Variants in SCYL3 observed in about 807,000 individuals in gnomAD.
SCYL3 encodes the protein protein-associating with the carboxyl-terminal domain of ezrin.
In SCYL3, 35 loss-of-function variants were observed where a neutral mutation model predicts 73.8. The observed-to-expected ratio is 0.47, with a 90% confidence interval of 0.36 to 0.63. The LOEUF (loss-of-function observed/expected upper bound fraction) is 0.63, where lower values mean the gene tolerates loss of function less well. Among genes scored for constraint, SCYL3 ranks in the 20% least tolerant of loss-of-function variants. SCYL3 has a pLI of 0.00. For synonymous variants in SCYL3, 277 were observed against 295.2 expected, an observed-to-expected ratio of 0.94 and a Z score of 0.63; for missense variants, 712 against 798.9, an observed-to-expected ratio of 0.89 and a Z score of 1.31.
chr1:169,884,549 C>T (rs1292291810), intron 2 of SCYL3, among the ~76,000 whole-genome samples: 4 of 152,186 alleles, frequency 2.6e-5, no homozygotes, highest in African/African-American at 7.2e-5. Flanking sequence ...CCACCTACCT[C>T]GGCCTCCCAA....
chr1:169,893,736 C>G (rs1193414080), intron 1 of SCYL3, 52 bp downstream of exon 1: 2 of 151,872 alleles, frequency 1.3e-5, no homozygotes, highest in African/African-American at 4.8e-5. Flanking sequence ...GCCCCTTCCC[C>G]CACGGCGCAG....
At chr1:169,874,404 A>G (rs752515261) in intron 4 of SCYL3, among the ~76,000 whole-genome samples, 23 of 152,340 alleles carry the variant, frequency 1.5e-4, no homozygotes, top group Non-Finnish European at 2.9e-5. Context: ...CCCTGGAAGC[A>G]CTGGGGTGAC....
intron 5 of SCYL3, among the ~76,000 whole-genome samples, chr1:169,870,741 C>G (rs1660333162): frequency 6.6e-6 from 1 of 151,562 alleles, no homozygotes; most frequent in Non-Finnish European, 1.5e-5. Flanking sequence ...TGCCCAAAGA[C>G]ATGTTCTTTT....
In SCYL3 at chr1:169,852,805, G is replaced by A. The variant is rs1167049954; in HGVS notation, c.*908C>T. The A allele has an allele frequency of 6.2e-7, 1 of 1,613,930 alleles. No individual in the cohort carries two copies. The highest frequency in any genetic ancestry group is 8.5e-7 in the Non-Finnish European group (1 of 1,179,910). On this transcript the variant is annotated 3_prime_UTR_variant, in exon 13 of 13. Transcript: ENST00000367771. ...TTTTTTCCAGCCTTATGCAAAAAGAGCTCGTCAGGAGTTCCCCTGGGAAGA... is the reference window on the plus strand; with the variant it reads ...TTTTTTCCAGCCTTATGCAAAAAGAACTCGTCAGGAGTTCCCCTGGGAAGA...
At chr1:169,867,801 C>T (rs775825863) in intron 7 of SCYL3, among the ~76,000 whole-genome samples, 2 of 152,098 alleles carry the variant, frequency 1.3e-5, no homozygotes, top group Non-Finnish European at 2.9e-5. Flanking sequence ...TTGGCAGGTA[C>T]GGTTTGTGTG....
chr1:169,874,896 C>T (rs2102181325), intron 4 of SCYL3, among the ~76,000 whole-genome samples: 1 of 152,284 alleles, frequency 6.6e-6, no homozygotes, highest in Middle Eastern at 3.4e-3. Flanking sequence ...CACTGCACTC[C>T]AGCCTGGGTG....
chr1:169,876,160 A>G (rs1055008595), intron 3 of SCYL3, 69 bp from the exon 4 acceptor site: 34 of 908,226 alleles, frequency 3.7e-5, no homozygotes, highest in African/African-American at 1.7e-5. Context: ...ACTTCAAAAG[A>G]TGTTTTTCTC....
Position 169,859,021 on chromosome 1 carries a change from G to T in SCYL3, c.1312+20C>A. 1 of 1,607,190 alleles carries T rather than the reference G, an allele frequency of 6.2e-7. No homozygotes were observed. On this transcript the variant is annotated intron_variant, in intron 11 of 12. Coordinates refer to ENST00000367771, the MANE Select transcript of SCYL3 (RefSeq NM_020423.7). ...TAAAAAAATGACACACAAAAAGTTAGACCTTTTAATAATTCTTACCTTCTA... is the reference window on the plus strand; with the variant it reads ...TAAAAAAATGACACACAAAAAGTTATACCTTTTAATAATTCTTACCTTCTA...
intron 11 of SCYL3, 96 bp downstream of exon 11, chr1:169,858,945 T>C (rs1331970786): frequency 9.5e-7 from 1 of 1,054,312 alleles, no homozygotes; most frequent in East Asian, 2.6e-5. Flanking sequence ...CTTCTTTATA[T>C]CATTTGACTG....
At chr1:169,889,363 TG>T (rs1333717105) in intron 1 of SCYL3, among the ~76,000 whole-genome samples, 1 of 152,068 alleles carries the variant, frequency 6.6e-6, no homozygotes, top group Non-Finnish European at 1.5e-5. Flanking sequence ...ATTAATATGT[TG>T]AAAAACATTG....
rs1253130194 is a variant in SCYL3, at chr1:169,849,792, C to T, written c.*3921G>A. ...AGGCTTAGATAAATGAAGTGAATTT[C>T]GTAAGGTCCTCTGAATAAACAAGGA... On this transcript the variant is annotated 3_prime_UTR_variant, in exon 13 of 13. Transcript: ENST00000367771. 11 of 575,666 alleles carry T rather than the reference C, an allele frequency of 1.9e-5. No individual in the cohort carries two copies. Among genetic ancestry groups the T allele is most frequent in the Admixed American group, 3.1e-5 (1 of 32,366 alleles). The allele number at this position is 575,666 out of a possible 1,614,324, so 35.7% of individuals were successfully genotyped here.
chr1:169,891,969 A>G (rs1019546351), intron 1 of SCYL3, among the ~76,000 whole-genome samples: 1 of 152,258 alleles, frequency 6.6e-6, no homozygotes, highest in Admixed American at 6.5e-5. Context: ...AGACTAAAAA[A>G]ATCACTTAAA....
At chr1:169,876,299 T>C (rs1040038668) in intron 3 of SCYL3, among the ~76,000 whole-genome samples, 20 of 152,100 alleles carry the variant, frequency 1.3e-4, no homozygotes, top group African/African-American at 4.8e-4. Context: ...TGAAGTTAGA[T>C]AAAAAGAAAA....
At chr1:169,873,958 T>A (rs1182132929) in intron 4 of SCYL3, among the ~76,000 whole-genome samples, 4 of 152,198 alleles carry the variant, frequency 2.6e-5, no homozygotes, top group Non-Finnish European at 5.9e-5. Flanking sequence ...GGCACAGTAA[T>A]AAATGGTAGT....
At chr1:169,856,012 T>C (rs1659118369) in intron 11 of SCYL3, 1 of 1,549,196 alleles carries the variant, frequency 6.5e-7, no homozygotes, top group Non-Finnish European at 8.8e-7. Context: ...TGCTTCTTGA[T>C]CTATCACATG....
intron 9 of SCYL3, among the ~76,000 whole-genome samples, chr1:169,863,080 T>C (rs932762216): frequency 7.2e-5 from 11 of 152,016 alleles, no homozygotes; most frequent in Non-Finnish European, 1.5e-4. Flanking sequence ...GCCCGGCTAA[T>C]TTTTGTATTT....
In SCYL3 at chr1:169,853,768, T is replaced by G; in HGVS notation, c.2012A>C (p.Glu671Ala). ...KFAAAEITEGEAEGWEEEGEL... is the reference protein window; with the variant it reads ...KFAAAEITEGAAEGWEEEGEL... ...CCCTTCTTCTTCCCAGCCTTCAGCC[T>G]CTCCCTGCAACAAAATAAAGCACAC... Residue 671 changes from glutamate (E) to alanine (A), a missense_variant, in exon 13 of 13, where the codon GAG (glutamate) becomes GCG (alanine). By Grantham distance (107) the Glu-to-Ala change is moderately radical. This residue lies in a region of SCYL3 where 370 missense variants were observed against 350.8 expected (regional missense o/e 1.05). Coordinates refer to ENST00000367771, the MANE Select transcript of SCYL3 (RefSeq NM_020423.7). 2 of 1,613,812 alleles carry G rather than the reference T, an allele frequency of 1.2e-6. No individual in the cohort carries two copies. The highest frequency in any genetic ancestry group is 1.7e-6 in the Non-Finnish European group (2 of 1,179,892).
intron 5 of SCYL3, among the ~76,000 whole-genome samples, chr1:169,872,203 A>C (rs1489696568): frequency 6.6e-6 from 1 of 152,218 alleles, no homozygotes; most frequent in Non-Finnish European, 1.5e-5. Context: ...ATGCTGTGTG[A>C]AGCCTAGGGA....
chr1:169,862,176 C>T (rs1041272071), intron 10 of SCYL3, among the ~76,000 whole-genome samples: 1 of 152,212 alleles, frequency 6.6e-6, no homozygotes, highest in Non-Finnish European at 1.5e-5. Context: ...TAATACAAAC[C>T]TTTCATTAGT....
Sources: gnomAD v4.1 joint callset for allele counts (sites outside exome capture counted in the v4.1 genomes callset) on GRCh38, gnomAD v4.1.1 for gene constraint, gnomAD v4.1.1 regional missense constraint, MANE v1.5 for transcripts, NCBI Gene and HGNC (gene_info 2026-07-23, HGNC 2026-07-21) for gene names.